Variants in MRPL9 observed in about 807,000 individuals in gnomAD.
MRPL9 encodes the protein mitochondrial ribosomal protein L9.
In MRPL9, 25 loss-of-function variants were observed where a neutral mutation model predicts 27.6. That is an observed-to-expected ratio of 0.91 (90% CI 0.66 to 1.27). MRPL9 has a LOEUF of 1.27. MRPL9 is among the 50% of genes most tolerant of loss of function. The pLI, the probability that MRPL9 is intolerant of heterozygous loss-of-function variation, is 0.00. For synonymous variants in MRPL9, 154 were observed against 139.0 expected (o/e 1.11, Z -0.76); for missense variants, 362 against 338.0 (o/e 1.07, Z -0.56).
intron 6 of MRPL9, 86 bp from the exon 7 acceptor site, chr1:151,760,267 T>C (rs762427509): frequency 6.4e-7 from 1 of 1,552,090 alleles, no homozygotes; most frequent in African/African-American, 1.4e-5. Flanking sequence ...CACCCTGACT[T>C]TTCTCCCAGT....
chr1:151,763,445 G>A lies in MRPL9; in HGVS notation c.35C>T (p.Ala12Val), dbSNP rs1317584348. 8.9e-6 allele frequency: 14 copies of A among 1,572,692 alleles called. No individual in the cohort carries two copies. In the African/African-American group the frequency reaches 1.2e-4, roughly 14 times the overall value. The change falls in exon 1 of 7, where the codon GCT becomes GTT. Residue 12 changes from alanine to valine, a missense_variant. Ala to Val is a moderately conservative substitution (Grantham distance 64). Transcript: ENST00000368830. ...AAPVVTAPGRALLRAGAGRLL... is the reference protein window; with the variant it reads ...AAPVVTAPGRVLLRAGAGRLL... ...CCGTCCAGCGCCCGCCCGCAGCAGA[G>A]CTCTGCCCGGGGCCGTGACAACGGG...
Position 151,759,899 on chromosome 1 carries a change from A to G in MRPL9, c.*151T>C. 9.9e-7 allele frequency: 1 copy of G among 1,011,540 alleles called. No individual in the cohort carries two copies. The allele number at this position is 1,011,540 out of a possible 1,614,324, so 62.7% of individuals were successfully genotyped here. ...ACAGTTAAAGATGGCAAAAATGAAGAATTCAACATGTATACGCAGTGCAGT... is the reference window on the plus strand; with the variant it reads ...ACAGTTAAAGATGGCAAAAATGAAGGATTCAACATGTATACGCAGTGCAGT... On this transcript the variant is annotated 3_prime_UTR_variant, in exon 7 of 7. Coordinates refer to ENST00000368830, the MANE Select transcript of MRPL9 (RefSeq NM_031420.4).
rs2101539893 is a variant in MRPL9 at position 151,760,811 on chromosome 1, C to G, written c.672+5G>C. ...AAGAAAAAAGAAAGTATGCAAAACA[C>G]TCACCGTCACCTCACACCAATACTC... On this transcript the variant is annotated splice_donor_5th_base_variant and intron_variant, in intron 6 of 6. Coordinates refer to ENST00000368830, the MANE Select transcript of MRPL9 (RefSeq NM_031420.4). 1.3e-6 allele frequency: 2 copies of G among 1,568,674 alleles called. No individual in the cohort carries two copies. Among genetic ancestry groups the G allele is most frequent in the East Asian group, 2.3e-5 (1 of 43,846 alleles).
chr1:151,763,453 C>T lies in MRPL9; in HGVS notation c.27G>A (p.Pro9=), dbSNP rs890276606. 1.0e-5 allele frequency: 16 copies of T among 1,573,656 alleles called. No homozygotes were observed. The highest frequency in any genetic ancestry group is 2.7e-5 in the African/African-American group (2 of 74,084). The change falls in exon 1 of 7, where the codon CCG becomes CCA. Residue 9 remains proline (P), a synonymous_variant. Coordinates refer to ENST00000368830, the MANE Select transcript of MRPL9 (RefSeq NM_031420.4). ...CGCCCGCCCGCAGCAGAGCTCTGCC[C>T]GGGGCCGTGACAACGGGCGCCGCCA... MAAPVVTA[P]GRALLRAGAG... is the part of the protein sequence containing the mutation.
chr1:151,761,635 G>T, intron 4 of MRPL9, 83 bp from the exon 5 acceptor site: 1 of 1,042,292 alleles, frequency 9.6e-7, no homozygotes, highest in Non-Finnish European at 1.5e-6. Context: ...GATGGCTCAT[G>T]CCTGTAATCC....
intron 2 of MRPL9, 82 bp from the exon 3 acceptor site, chr1:151,762,582 T>TA: frequency 1.4e-6 from 2 of 1,435,874 alleles, no homozygotes; most frequent in African/African-American, 1.4e-5. Context: ...AAGCACCTCT[T>TA]AGTTTCTCAC....
At chr1:151,760,766 T>C in intron 6 of MRPL9, 50 bp downstream of exon 6, 2 of 1,473,154 alleles carry the variant, frequency 1.4e-6, no homozygotes, top group Non-Finnish European at 1.8e-6. Context: ...AAGGAAAAAG[T>C]GGGGGAAAAG....
chr1:151,761,217 G>C (rs1648061378), intron 5 of MRPL9, among the ~76,000 whole-genome samples: 1 of 152,218 alleles, frequency 6.6e-6, no homozygotes, highest in Admixed American at 6.5e-5. Flanking sequence ...TCCCTAGGTA[G>C]ACAGGAAATA....
rs375753239 is a variant in MRPL9 at position 151,763,446 on chromosome 1, C to G, written c.34G>C (p.Ala12Pro). 3.2e-6 allele frequency: 5 copies of G among 1,573,102 alleles called. No individual in the cohort carries two copies. Among genetic ancestry groups the G allele is most frequent in the Middle Eastern group, 1.8e-4 (1 of 5,548 alleles). ...CGTCCAGCGCCCGCCCGCAGCAGAG[C>G]TCTGCCCGGGGCCGTGACAACGGGC... ...AAPVVTAPGRALLRAGAGRLL... is the reference protein window; with the variant it reads ...AAPVVTAPGRPLLRAGAGRLL... The change falls in exon 1 of 7, where the codon GCT becomes CCT. Residue 12 changes from alanine to proline, a missense_variant. Coordinates refer to ENST00000368830, the MANE Select transcript of MRPL9 (RefSeq NM_031420.4).
chr1:151,762,555 A>C, intron 2 of MRPL9, 55 bp from the exon 3 acceptor site: 1 of 1,554,320 alleles, frequency 6.4e-7, no homozygotes, highest in Non-Finnish European at 8.7e-7. Context: ...TCCCTAAAGA[A>C]AAGATGTCAA....
At chr1:151,762,763 C>T (rs1648158713) in intron 2 of MRPL9, 3 of 666,354 alleles carry the variant, frequency 4.5e-6, no homozygotes, top group Non-Finnish European at 7.5e-6. Context: ...TTGTCAGGCT[C>T]CTCTCCCCAC....
Position 151,760,162 on chromosome 1 carries a change from A to G in MRPL9, c.692T>C (p.Val231Ala). 6.2e-7 allele frequency: 1 copy of G among 1,614,106 alleles called. No homozygotes were observed. The highest frequency in any genetic ancestry group is 8.5e-7 in the Non-Finnish European group (1 of 1,179,982). ...GTTCACGACAGACATAGGCACTCTC[A>G]CAGTATCAAGCCCATTTACCTGCAC... ...CEVTVNGLDT[V>A]RVPMSVVNFE... Residue 231 changes from valine (V) to alanine (A), a missense_variant, in exon 7 of 7, where the codon GTG (valine) becomes GCG (alanine). Transcript: ENST00000368830.
In MRPL9 at chr1:151,762,376, C is replaced by T. The variant is rs1314031341; in HGVS notation, c.435G>A (p.Leu145=). ...ENKKLFEEEK[L]LRQEGKLEKI... is the part of the protein sequence containing the mutation. The stretch of plus-strand genomic sequence containing the variant: ...CTCTCTGTCCTTCCTTTGAGCTCAC[C>T]AATTTCTCCTCTTCAAACAGCTTCT... The change falls in exon 3 of 7, where the codon TTG becomes TTA. Residue 145 remains leucine (L), a splice_region_variant and synonymous_variant. Coordinates refer to ENST00000368830, the MANE Select transcript of MRPL9 (RefSeq NM_031420.4). 1.9e-6 allele frequency: 3 copies of T among 1,614,128 alleles called. No homozygotes were observed. The highest frequency in any genetic ancestry group is 1.7e-5 in the Admixed American group (1 of 60,030).
rs761777615 is a variant in MRPL9 at position 151,763,035 on chromosome 1, G to C, written c.265C>G (p.Arg89Gly). The C allele has an allele frequency of 6.2e-7, 1 of 1,614,064 alleles. No individual in the cohort carries two copies. The highest frequency in any genetic ancestry group is 1.7e-5 in the Admixed American group (1 of 60,002). ...ATGAGCTCCAGGTTTTCTTTGGGCC[G>C]ATGCTTCGTGTCCTCCACCAGCTTA... ...VYKLVEDTKH[R>G]PKENLELILT... The change falls in exon 2 of 7, where the codon CGG (arginine) becomes GGG (glycine). Residue 89 changes from arginine to glycine, a missense_variant. Transcript: ENST00000368830.
At chr1:151,762,321 C>T (rs554693930) in intron 3 of MRPL9, 55 bp downstream of exon 3, 3 of 1,608,514 alleles carry the variant, frequency 1.9e-6, no homozygotes, top group Non-Finnish European at 1.7e-6. Flanking sequence ...AAGGAAGCTG[C>T]AAGAGAAAAG....
rs778776638 is a variant in MRPL9 at position 151,762,472 on chromosome 1, T to C, written c.339A>G (p.Ser113=). 1.2e-6 allele frequency: 2 copies of C among 1,614,106 alleles called. No homozygotes were observed. Among genetic ancestry groups the C allele is most frequent in the Non-Finnish European group, 1.7e-6 (2 of 1,179,988 alleles). The change falls in exon 3 of 7, where the codon TCA becomes TCG. Residue 113 remains serine, a synonymous_variant. Transcript: ENST00000368830. ...GATTCCGGCCTAAAGATTTCTTCACTGAGACCAGGTCACCCCGGACTCCAA... is the reference window on the plus strand; with the variant it reads ...GATTCCGGCCTAAAGATTTCTTCACCGAGACCAGGTCACCCCGGACTCCAA... ...ENVGVRGDLV[S]VKKSLGRNRL...
Position 151,763,129 on chromosome 1 carries a change from C to A in MRPL9, c.171G>T (p.Glu57Asp). 1.2e-6 allele frequency: 2 copies of A among 1,613,784 alleles called. No homozygotes were observed. Among genetic ancestry groups the A allele is most frequent in the South Asian group, 1.1e-5 (1 of 91,046 alleles). The change falls in exon 2 of 7, where the codon GAG becomes GAT. Residue 57 changes from glutamate (E) to aspartate (D), a missense_variant. Transcript: ENST00000368830. ...LSQNRGTVIV[E>D]RWWKVPLAGE... ...CGGCCAGCGGTACCTTCCACCAGCG[C>A]TCCACGATGACCGTGCCCTGGCGGC...
At chr1:151,761,215 T>G (rs1571961242) in intron 5 of MRPL9, among the ~76,000 whole-genome samples, 1 of 152,342 alleles carries the variant, frequency 6.6e-6, no homozygotes, top group Non-Finnish European at 1.5e-5. Flanking sequence ...TTTCCCTAGG[T>G]AGACAGGAAA....
chr1:151,763,446 C>T lies in MRPL9; in HGVS notation c.34G>A (p.Ala12Thr), dbSNP rs375753239. The change falls in exon 1 of 7, where the codon GCT (alanine) becomes ACT (threonine). Residue 12 changes from alanine to threonine, a missense_variant. Physicochemically the swap from Ala to Thr is moderately conservative, Grantham distance 58. Transcript: ENST00000368830. Reference protein sequence around the residue: ...AAPVVTAPGRALLRAGAGRLL... With the variant: ...AAPVVTAPGRTLLRAGAGRLL... ...CGTCCAGCGCCCGCCCGCAGCAGAG[C>T]TCTGCCCGGGGCCGTGACAACGGGC... The T allele has an allele frequency of 1.1e-5, 17 of 1,573,102 alleles. No individual in the cohort carries two copies. Among genetic ancestry groups the T allele is most frequent in the Middle Eastern group, 3.6e-4 (2 of 5,548 alleles).
Sources: allele counts gnomAD v4.1 joint callset (sites outside exome capture counted in the v4.1 genomes callset), GRCh38; gene constraint gnomAD v4.1.1; transcripts MANE v1.5; gene names NCBI Gene and HGNC (gene_info 2026-07-23, HGNC 2026-07-21).